Variants in ANK3 observed in about 807,000 individuals in gnomAD.
ANK3 encodes the protein ankyrin 3.
Under a neutral mutation model 370.9 loss-of-function variants are expected in ANK3, and 57 were observed. The ratio of observed to expected loss-of-function variants is 0.15; its 90% CI spans 0.12 to 0.19. The LOEUF (loss-of-function observed/expected upper bound fraction) is 0.19. Among genes scored for constraint, ANK3 ranks in the 10% least tolerant of loss-of-function variants. The pLI, the probability that ANK3 is intolerant of heterozygous loss-of-function variation, is 1.00. For missense variants in ANK3, 4,439 were observed against 5,302.1 expected (o/e 0.84, Z 5.06); for synonymous variants, 1,929 against 1,946.3 (o/e 0.99, Z 0.23).
At chr10:60,121,284 T>C (rs373726583) in intron 25 of ANK3, among the ~76,000 whole-genome samples, 38 of 150,266 alleles carry the variant, frequency 2.5e-4, no homozygotes, top group African/African-American at 9.1e-4. Flanking sequence ...ATTGAGTTCA[T>C]GGAGATCGAA....
chr10:60,559,234 C>T (rs541432056), intron 2 of ANK3, among the ~76,000 whole-genome samples: 2 of 152,160 alleles, frequency 1.3e-5, no homozygotes, highest in Admixed American at 1.3e-4. Context: ...TACACTGTAC[C>T]CATTGTATAG....
intron 2 of ANK3, among the ~76,000 whole-genome samples, chr10:60,586,088 A>G (rs78400447): frequency 1.9e-3 from 81 of 42,774 alleles, no homozygotes; most frequent in Middle Eastern, 0.016. Context: ...TAAAAAAGGG[A>G]AAAAAAAAAC....
At chr10:60,614,364 G>A (rs965742300) in intron 2 of ANK3, among the ~76,000 whole-genome samples, 5 of 152,058 alleles carry the variant, frequency 3.3e-5, no homozygotes, top group East Asian at 1.9e-4. Flanking sequence ...CAAGTTAAAC[G>A]TTTTGTTTCA....
chr10:60,114,199 T>C (rs370929885), intron 26 of ANK3, 26 bp downstream of exon 26: 14 of 1,381,392 alleles, frequency 1.0e-5, no homozygotes, highest in Non-Finnish European at 1.3e-5. Flanking sequence ...AGTAGGATAA[T>C]GAAAAGTGAC....
At chr10:60,560,120 T>C (rs1347048037) in intron 2 of ANK3, among the ~76,000 whole-genome samples, 1 of 152,114 alleles carries the variant, frequency 6.6e-6, no homozygotes, top group East Asian at 1.9e-4. Flanking sequence ...AACTTATATA[T>C]AATATCTAGA....
chr10:60,277,932 A>G (rs2098114078), intron 4 of ANK3, among the ~76,000 whole-genome samples: 1 of 152,216 alleles, frequency 6.6e-6, no homozygotes, highest in African/African-American at 2.4e-5. Context: ...TTGAATTATG[A>G]TGATGTTTGC....
chr10:60,141,389 T>C (rs2094548659), intron 23 of ANK3, among the ~76,000 whole-genome samples: 1 of 151,960 alleles, frequency 6.6e-6, no homozygotes, highest in Non-Finnish European at 1.5e-5. Flanking sequence ...TTGCCCCAGA[T>C]AGGAGGCAGG....
chr10:60,264,099 C>A (rs2097845964), intron 5 of ANK3, 79 bp from the exon 6 acceptor site: 2 of 1,200,022 alleles, frequency 1.7e-6, no homozygotes, highest in Non-Finnish European at 2.3e-6. Flanking sequence ...AGAAGGCAAC[C>A]AAGTGACCAA....
intron 24 of ANK3, 21 bp from the exon 25 acceptor site, chr10:60,134,394 C>T: frequency 1.3e-6 from 2 of 1,580,646 alleles, no homozygotes; most frequent in Non-Finnish European, 1.7e-6. Context: ...TACAGTTAAC[C>T]ATTCAACAGT....
chr10:60,101,478 G>A (rs766143022), intron 28 of ANK3, among the ~76,000 whole-genome samples: 10 of 151,948 alleles, frequency 6.6e-5, no homozygotes, highest in East Asian at 5.8e-4. Context: ...AGTTCGCTGC[G>A]TTATAATTTG....
chr10:60,700,332 A>G (rs1263641431), intron 1 of ANK3, among the ~76,000 whole-genome samples: 1 of 152,210 alleles, frequency 6.6e-6, no homozygotes, highest in Non-Finnish European at 1.5e-5. Flanking sequence ...GTGTTCACAT[A>G]ATTTAAAATG....
intron 25 of ANK3, among the ~76,000 whole-genome samples, chr10:60,128,382 TTC>T (rs1189313489): frequency 1.1e-5 from 1 of 93,574 alleles, no homozygotes; most frequent in Non-Finnish European, 2.0e-5. Context: ...TTCATTTTTT[TTC>T]TTTTTTTTTT....
intron 1 of ANK3, among the ~76,000 whole-genome samples, chr10:60,650,695 G>A (rs2078776213): frequency 6.6e-6 from 1 of 152,186 alleles, no homozygotes; most frequent in Non-Finnish European, 1.5e-5. Context: ...ATGGACCCCA[G>A]GAGGCTGTTT....
intron 10 of ANK3, among the ~76,000 whole-genome samples, chr10:60,206,879 G>C (rs2132437956): frequency 6.6e-6 from 1 of 152,296 alleles, no homozygotes; most frequent in Middle Eastern, 3.4e-3. Flanking sequence ...AGTCACTGCA[G>C]GTGCTTTCAC....
chr10:60,130,522 T>C (rs1284226410), intron 25 of ANK3, among the ~76,000 whole-genome samples: 2 of 152,220 alleles, frequency 1.3e-5, no homozygotes, highest in Non-Finnish European at 2.9e-5. Flanking sequence ...GTCATTGCTT[T>C]GGGAATTCTA....
At chr10:60,376,023 T>C (rs553872265) in intron 1 of ANK3, among the ~76,000 whole-genome samples, 1 of 152,290 alleles carries the variant, frequency 6.6e-6, no homozygotes, top group Admixed American at 6.5e-5. Context: ...CTCTTCATGG[T>C]AGGCATTATT....
intron 1 of ANK3, among the ~76,000 whole-genome samples, chr10:60,364,543 G>T (rs894695861): frequency 2.0e-5 from 3 of 151,974 alleles, no homozygotes; most frequent in African/African-American, 7.3e-5. Flanking sequence ...GGGCCTGTTG[G>T]GGGGTGGGAG....
intron 23 of ANK3, among the ~76,000 whole-genome samples, chr10:60,155,467 G>A (rs996508035): frequency 6.6e-6 from 1 of 152,178 alleles, no homozygotes; most frequent in Non-Finnish European, 1.5e-5. Flanking sequence ...AAAGTGGCTT[G>A]AGGCTCAGAA....
At chr10:60,364,383 A>C (rs2059108484) in intron 1 of ANK3, among the ~76,000 whole-genome samples, 1 of 152,138 alleles carries the variant, frequency 6.6e-6, no homozygotes, top group South Asian at 2.1e-4. Context: ...TAATAATAAC[A>C]ATGGATATAT....
Sources: allele counts gnomAD v4.1 joint callset (sites outside exome capture counted in the v4.1 genomes callset), GRCh38; gene constraint gnomAD v4.1.1; transcripts MANE v1.5; gene names NCBI Gene and HGNC (gene_info 2026-07-23, HGNC 2026-07-21).